The following TENM2 variants were observed in gnomAD, a reference collection of about 807,000 sequenced individuals.
TENM2 encodes teneurin-2.
Under a neutral mutation model 245.2 loss-of-function variants are expected in TENM2, and 52 were observed. The ratio of observed to expected loss-of-function variants is 0.21; its 90% confidence interval spans 0.17 to 0.27. The LOEUF is 0.27. Among genes scored for constraint, TENM2 ranks in the 10% least tolerant of loss-of-function variants. TENM2 has a pLI of 1.00. For missense variants in TENM2, 3,046 were observed against 3,666.8 expected (o/e 0.83, Z 4.37); for synonymous variants, 1,363 against 1,438.9 (o/e 0.95, Z 1.19).
At chr5:167,868,399 AT>A (rs1355678466) in intron 2 of TENM2, among the ~76,000 whole-genome samples, 1 of 152,010 alleles carries the variant, frequency 6.6e-6, no homozygotes, top group African/African-American at 2.4e-5. Flanking sequence ...CAAAATATAA[AT>A]ATTAGAAGTA....
intron 4 of TENM2, among the ~76,000 whole-genome samples, chr5:167,988,231 A>G (rs1400787092): frequency 1.3e-5 from 2 of 152,200 alleles, no homozygotes; most frequent in African/African-American, 4.8e-5. Flanking sequence ...TCACAGCACT[A>G]TTCTTTTAGC....
At chr5:167,741,661 A>G (rs1761183206) in intron 2 of TENM2, among the ~76,000 whole-genome samples, 2 of 152,126 alleles carry the variant, frequency 1.3e-5, no homozygotes, top group Non-Finnish European at 2.9e-5. Context: ...TTGAAAAATC[A>G]TTGTTACTTC....
rs538958902 is a variant in TENM2, at chr5:168,193,370, A to T, written c.2781-1806A>T. ...AGATAATGGCATACAAAAATAACTA[A>T]AATGCCTTGACTCCACCACTATAAT... On this transcript the variant is annotated intron_variant, in intron 14 of 28. Coordinates refer to ENST00000518659, the Ensembl canonical transcript of TENM2. 1.2e-3 allele frequency among the ~76,000 whole-genome samples: 180 copies of T among 152,304 alleles called. 2 individuals carry two copies. The highest frequency in any genetic ancestry group is 5.0e-3 in the South Asian group (24 of 4,830).
intron 2 of TENM2, among the ~76,000 whole-genome samples, chr5:167,783,773 G>C (rs1336210934): frequency 6.6e-6 from 1 of 152,144 alleles, no homozygotes; most frequent in East Asian, 1.9e-4. Flanking sequence ...GCTTGGTCCT[G>C]CTGAGGAATC....
intron 2 of TENM2, among the ~76,000 whole-genome samples, chr5:167,597,347 A>G (rs1776295207): frequency 1.3e-5 from 2 of 151,738 alleles, no homozygotes; most frequent in Non-Finnish European, 2.9e-5. Flanking sequence ...TTGTATTTTT[A>G]GTAGAGACAG....
the TENM2 span, among the ~76,000 whole-genome samples, chr5:167,127,628 TAA>T: frequency 8.1e-6 from 1 of 123,098 alleles, no homozygotes; most frequent in Non-Finnish European, 1.7e-5. Flanking sequence ...TTTTTTTTTT[TAA>T]AAAAAAAAAA....
intron 5 of TENM2, among the ~76,000 whole-genome samples, chr5:167,995,309 T>C (rs17069538): frequency 0.054 from 8,229 of 152,296 alleles, 361 homozygotes; most frequent in African/African-American, 0.11. Context: ...TTGTAAATGA[T>C]AGATTAGGAA....
At chr5:167,256,461 C>T in the TENM2 span, among the ~76,000 whole-genome samples, 150 of 152,234 alleles carry the variant, frequency 9.9e-4, no homozygotes, top group African/African-American at 3.5e-3. Context: ...TCTGCCAGGG[C>T]ATTTCTGCTA....
chr5:167,855,193 G>A (rs994359195), intron 2 of TENM2, among the ~76,000 whole-genome samples: 1 of 152,064 alleles, frequency 6.6e-6, no homozygotes, highest in South Asian at 2.1e-4. Context: ...CTCAGAGCCT[G>A]TGTTGGTGCT....
chr5:167,439,214 A>G (rs1052425985), intron 2 of TENM2, among the ~76,000 whole-genome samples: 1 of 152,196 alleles, frequency 6.6e-6, no homozygotes, highest in Non-Finnish European at 1.5e-5. Context: ...TGATGAAATA[A>G]TGTAGGCTGA....
chr5:167,699,294 G>T (rs2150433530), intron 2 of TENM2, among the ~76,000 whole-genome samples: 1 of 152,076 alleles, frequency 6.6e-6, no homozygotes, highest in Non-Finnish European at 1.5e-5. Flanking sequence ...TCTCATCCAA[G>T]CCCAATAAAA....
chr5:167,160,538 A>G, the TENM2 span, among the ~76,000 whole-genome samples: 4 of 152,246 alleles, frequency 2.6e-5, no homozygotes, highest in Admixed American at 1.3e-4. Flanking sequence ...TGCTTTTTCC[A>G]CTCTCTGGAA....
the TENM2 span, among the ~76,000 whole-genome samples, chr5:167,008,202 T>C: frequency 6.6e-6 from 1 of 152,248 alleles, no homozygotes; most frequent in Non-Finnish European, 1.5e-5. Context: ...AGTTTATATT[T>C]TTTTGGCTCT....
chr5:167,914,416 C>T (rs930704250), intron 3 of TENM2, among the ~76,000 whole-genome samples: 4 of 152,146 alleles, frequency 2.6e-5, no homozygotes, highest in African/African-American at 9.7e-5. Flanking sequence ...TCTCATGCTC[C>T]TGTCTCTCTG....
intron 1 of TENM2, among the ~76,000 whole-genome samples, chr5:167,347,359 T>C: frequency 6.6e-6 from 1 of 152,288 alleles, no homozygotes; most frequent in East Asian, 1.9e-4. Context: ...AGTCAGTGCC[T>C]CTGCTTGCAA....
At chr5:167,948,374 C>T (rs768728717) in intron 3 of TENM2, among the ~76,000 whole-genome samples, 3 of 152,214 alleles carry the variant, frequency 2.0e-5, no homozygotes, top group Admixed American at 6.5e-5. Flanking sequence ...AATCTAAAAG[C>T]GCAGAAGCAC....
At chr5:167,373,728 A>G (rs556587179) in intron 1 of TENM2, among the ~76,000 whole-genome samples, 13 of 152,344 alleles carry the variant, frequency 8.5e-5, no homozygotes, top group South Asian at 8.3e-4. Context: ...CTGCAGGTAC[A>G]GAGGTGAACC....
chr5:166,985,750 C>T, the TENM2 span, among the ~76,000 whole-genome samples: 2 of 152,000 alleles, frequency 1.3e-5, no homozygotes, highest in African/African-American at 4.8e-5. Flanking sequence ...TCACTTCTTA[C>T]AGTCTAGAGG....
chr5:167,782,647 C>T (rs1018445958), intron 2 of TENM2, among the ~76,000 whole-genome samples: 4 of 151,920 alleles, frequency 2.6e-5, no homozygotes, highest in Admixed American at 2.0e-4. Context: ...GATGTAAAAA[C>T]AAAAAAATTA....
Sources: gnomAD v4.1 joint callset for allele counts (sites outside exome capture counted in the v4.1 genomes callset) on GRCh38, gnomAD v4.1.1 for gene constraint, MANE v1.5 for transcripts, NCBI Gene and HGNC (gene_info 2026-07-23, HGNC 2026-07-21) for gene names.